Variants in AGAP2 observed in about 807,000 individuals in gnomAD.
AGAP2 encodes the protein ArfGAP with GTPase domain, ankyrin repeat and PH domain 2, also known as arf-GAP with GTPase, ANK repeat and PH domain-containing protein 2.
AGAP2 carries 32 observed loss-of-function variants against 110.9 expected under a neutral mutation model. That is an observed-to-expected ratio of 0.29 (90% CI 0.22 to 0.39). AGAP2 has a LOEUF of 0.39. Among genes scored for constraint, AGAP2 ranks in the 10% least tolerant of loss-of-function variants. The pLI is 1.00. For missense variants in AGAP2, 1,285 were observed against 1,638.5 expected, an observed-to-expected ratio of 0.78 and a Z score of 3.72; for synonymous variants, 702 against 713.0, an observed-to-expected ratio of 0.98 and a Z score of 0.25.
chr12:57,733,549 C>T (rs238524), intron 5 of AGAP2, among the ~76,000 whole-genome samples: 150,952 of 152,314 alleles, frequency 0.99, 74,820 homozygotes, highest in East Asian at 1. Context: ...AGTCACTTCT[C>T]TGAGAACTAA....
Position 57,726,954 on chromosome 12 carries a change from C to T in AGAP2, c.3336+20G>A. ...AGATGAAGCCTCAAAGACCCCCTTT[C>T]CTCCCCCCAGCTCACGTACCCACAG... On this transcript the variant is annotated intron_variant, in intron 18 of 18. Coordinates refer to ENST00000547588, the MANE Select transcript of AGAP2 (RefSeq NM_001122772.3). The surrounding 1 kb of genome is among the most constrained non-coding windows in gnomAD (Gnocchi z 5.7). 2.6e-6 allele frequency: 4 copies of T among 1,522,208 alleles called. No homozygotes were observed. Among genetic ancestry groups the T allele is most frequent in the Non-Finnish European group, 3.5e-6 (4 of 1,138,764 alleles). The allele number at this position is 1,522,208 out of a possible 1,614,324, so 94.3% of individuals were successfully genotyped here.
chr12:57,741,244 G>C (rs962785409), upstream of AGAP2, among the ~76,000 whole-genome samples: 1 of 152,198 alleles, frequency 6.6e-6, no homozygotes, highest in African/African-American at 2.4e-5. Flanking sequence ...TTTCCTCCCT[G>C]TGTTGTCATC....
At chr12:57,727,849 AC>A in intron 15 of AGAP2, 78 bp from the exon 16 acceptor site, 1 of 1,595,398 alleles carries the variant, frequency 6.3e-7, no homozygotes, top group Non-Finnish European at 8.5e-7. Flanking sequence ...CTCTCCTCTC[AC>A]ACGACTTCGG....
intron 14 of AGAP2, 22 bp from the exon 15 acceptor site, chr12:57,728,107 G>T (rs1330638089): frequency 1.3e-6 from 2 of 1,574,538 alleles, no homozygotes; most frequent in Non-Finnish European, 1.7e-6. Flanking sequence ...ATGGGATGGG[G>T]TCATTAAGGG....
rs1954766903 is a variant in AGAP2, at chr12:57,726,593, C to T, written c.3538G>A (p.Ala1180Thr). 3.3e-6 allele frequency: 4 copies of T among 1,203,842 alleles called. No homozygotes were observed. The highest frequency in any genetic ancestry group is 4.1e-6 in the Non-Finnish European group (4 of 969,658). 74.6% of individuals were successfully genotyped at this position (1,203,842 alleles called of 1,614,324 possible). A position where few individuals can be genotyped will look rare whatever the true frequency, so the allele number is the denominator to read the frequency against. ...TPSPRRRSSA[A>T]SVGRADAPVA... ...GGGGCGTCGGCGCGGCCCACGCTAG[C>T]GGCGCTGCTCCGGCGGCGGGGGCTG... The change falls in exon 19 of 19, where the codon GCT (alanine) becomes ACT (threonine). Residue 1180 changes from alanine to threonine, a missense_variant. Physicochemically the swap from Ala to Thr is moderately conservative, Grantham distance 58. Transcript: ENST00000547588. This position sits in a 1 kb window ranked among gnomAD's most constrained non-coding sequence, Gnocchi z 5.7.
intron 5 of AGAP2, 29 bp from the exon 6 acceptor site, chr12:57,733,008 A>G: frequency 6.2e-7 from 1 of 1,613,226 alleles, no homozygotes; most frequent in Middle Eastern, 1.7e-4. Flanking sequence ...GGCAGGATTG[A>G]ACAAGGAGCC....
At chr12:57,728,992 A>G (rs1334294470) in intron 13 of AGAP2, among the ~76,000 whole-genome samples, 4 of 151,948 alleles carry the variant, frequency 2.6e-5, no homozygotes, top group Admixed American at 6.5e-5. Flanking sequence ...TGGCTAACAC[A>G]GTGAAACCCA....
In AGAP2 at chr12:57,737,946, C is replaced by T; in HGVS notation, c.301G>A (p.Ala101Thr). 1 of 1,395,338 alleles carries T rather than the reference C, an allele frequency of 7.2e-7. No homozygotes were observed. The highest frequency in any genetic ancestry group is 9.2e-7 in the Non-Finnish European group (1 of 1,085,414). The allele number at this position is 1,395,338 out of a possible 1,614,324, so 86.4% of individuals were successfully genotyped here. The change falls in exon 1 of 19, where the codon GCC (alanine) becomes ACC (threonine). Residue 101 changes from alanine to threonine, a missense_variant. Transcript: ENST00000547588. This position sits in a 1 kb window ranked among gnomAD's most constrained non-coding sequence, Gnocchi z 5.9. ...PALSPAPASP[A>T]RPVSPAPGRR... ...CCGGGAGCGGGGGAGACTGGGCGGGCCGGACTGGCCGGAGCCGGGGACAGG... is the reference window on the plus strand; with the variant it reads ...CCGGGAGCGGGGGAGACTGGGCGGGTCGGACTGGCCGGAGCCGGGGACAGG...
chr12:57,728,424 C>T (rs770298165), intron 13 of AGAP2, 47 bp from the exon 14 acceptor site: 6 of 1,592,866 alleles, frequency 3.8e-6, no homozygotes, highest in Non-Finnish European at 5.2e-6. Flanking sequence ...GAGAGCAGAA[C>T]AGAGAAAGAG....
Position 57,726,861 on chromosome 12 carries a change from C to T in AGAP2, c.3337-67G>A. 6.9e-7 allele frequency: 1 copy of T among 1,442,830 alleles called. No homozygotes were observed. The highest frequency in any genetic ancestry group is 9.1e-7 in the Non-Finnish European group (1 of 1,103,418). 89.4% of individuals were successfully genotyped at this position (1,442,830 alleles called of 1,614,324 possible). A position where few individuals can be genotyped will look rare whatever the true frequency, so the allele number is the denominator to read the frequency against. ...CGCCCACACCCGGCGCCGCCTCCCC[C>T]ACATGGCCAAGCCTACTTCCGGGGT... On this transcript the variant is annotated intron_variant, in intron 18 of 18. Transcript: ENST00000547588. This position sits in a 1 kb window ranked among gnomAD's most constrained non-coding sequence, Gnocchi z 5.7.
intron 11 of AGAP2, 75 bp from the exon 12 acceptor site, chr12:57,730,689 C>T (rs1018689204): frequency 7.5e-6 from 12 of 1,605,498 alleles, no homozygotes; most frequent in Non-Finnish European, 1.0e-5. Flanking sequence ...TCTTTATCAC[C>T]CAGCTTCCTA....
At position 57,726,709 on chromosome 12, in the gene AGAP2, T is replaced by C; in HGVS notation, c.3422A>G (p.Asp1141Gly). 2 of 1,254,236 alleles carry C rather than the reference T, an allele frequency of 1.6e-6. No homozygotes were observed. The highest frequency in any genetic ancestry group is 2.0e-6 in the Non-Finnish European group (2 of 999,394). The allele number at this position is 1,254,236 out of a possible 1,614,324, so 77.7% of individuals were successfully genotyped here. A position where few individuals can be genotyped will look rare whatever the true frequency, so the allele number is the denominator to read the frequency against. The change falls in exon 19 of 19, where the codon GAC becomes GGC. Residue 1141 changes from aspartate to glycine, a missense_variant. This residue lies in a region of AGAP2 where 201 missense variants were observed against 276.1 expected (regional missense o/e 0.73). Transcript: ENST00000547588. The surrounding 1 kb of genome is among the most constrained non-coding windows in gnomAD (Gnocchi z 5.7). The stretch of plus-strand genomic sequence containing the variant: ...CGGGCAGCCGTGCTGGAGAAGGATG[T>C]CGGCGCACAGCTGGCTTCCAGCCTG... ...ARQAGSQLCA[D>G]ILLQHGCPGE...
At chr12:57,729,135 C>T (rs1954834223) in intron 13 of AGAP2, among the ~76,000 whole-genome samples, 1 of 143,328 alleles carries the variant, frequency 7.0e-6, no homozygotes, top group Non-Finnish European at 1.5e-5. Context: ...GAGATCGCAC[C>T]ACTGTACTCC....
chr12:57,741,259 G>C (rs926485606), upstream of AGAP2, among the ~76,000 whole-genome samples: 1 of 152,178 alleles, frequency 6.6e-6, no homozygotes, highest in Non-Finnish European at 1.5e-5. Flanking sequence ...GTCATCACTT[G>C]CTCTAATGGC....
At position 57,727,502 on chromosome 12, in the gene AGAP2, G is replaced by T. The variant is rs745525003; in HGVS notation, c.2938C>A (p.Leu980Met). ...SGIHRNLGTHLSRVRSLDLDD... is the reference protein window; with the variant it reads ...SGIHRNLGTHMSRVRSLDLDD... ...AAGTCCAGCGAGCGAACGCGGGACAGGTGTGTGCCCAGGTTGCGGTGGATG... is the reference window on the plus strand; with the variant it reads ...AAGTCCAGCGAGCGAACGCGGGACATGTGTGTGCCCAGGTTGCGGTGGATG... Residue 980 changes from leucine to methionine, a missense_variant, in exon 17 of 19, where the codon CTG becomes ATG. Physicochemically the swap from Leu to Met is conservative, Grantham distance 15 (BLOSUM62 2). Around this residue, in one of 7 missense-constraint regions of AGAP2, gnomAD observed 17 missense variants for 56.4 expected, o/e 0.30. Transcript: ENST00000547588. 1.9e-6 allele frequency: 3 copies of T among 1,612,882 alleles called. No homozygotes were observed. Among genetic ancestry groups the T allele is most frequent in the Non-Finnish European group, 1.7e-6 (2 of 1,179,704 alleles).
intron 2 of AGAP2, 68 bp downstream of exon 2, chr12:57,735,301 G>A: frequency 7.2e-7 from 1 of 1,397,522 alleles, no homozygotes; most frequent in South Asian, 1.2e-5. Context: ...GAGGTGAAGG[G>A]AGAGAGCTGA....
In AGAP2 at chr12:57,731,962, A is replaced by C. The variant is rs1954895364; in HGVS notation, c.1800T>G (p.Ser600Arg). ...AGTAGTCGCTAGTGTGGCCCCCGTT[A>C]CTAGCCTGGGCACATATGGAAGAGT... ...AASTPVAGQA[S>R]NGGHTSDYSS... Residue 600 changes from serine (S) to arginine (R), a missense_variant, in exon 8 of 19, where the codon AGT (serine) becomes AGG (arginine). Around this residue, in one of 7 missense-constraint regions of AGAP2, gnomAD observed 844 missense variants for 941.2 expected, o/e 0.90. Coordinates refer to ENST00000547588, the MANE Select transcript of AGAP2 (RefSeq NM_001122772.3). The C allele has an allele frequency of 6.2e-7, 1 of 1,613,476 alleles. No individual in the cohort carries two copies. The highest frequency in any genetic ancestry group is 8.5e-7 in the Non-Finnish European group (1 of 1,179,954).
chr12:57,725,619 C>A lies in AGAP2; in HGVS notation c.*933G>T, dbSNP rs1954747716. On this transcript the variant is annotated 3_prime_UTR_variant, in exon 19 of 19. Coordinates refer to ENST00000547588, the MANE Select transcript of AGAP2 (RefSeq NM_001122772.3). ...GGTCCCACTGTAGGGGTGCCCCCTACCCCAGATCACCACGGGCGCTGCACA... is the reference window on the plus strand; with the variant it reads ...GGTCCCACTGTAGGGGTGCCCCCTAACCCAGATCACCACGGGCGCTGCACA... The A allele has an allele frequency of 6.6e-6, 1 of 152,160 alleles. No individual in the cohort carries two copies. The allele number at this position is 152,160 out of a possible 1,614,324, so 9.4% of individuals were successfully genotyped here. A position where few individuals can be genotyped will look rare whatever the true frequency, so the allele number is the denominator to read the frequency against.
chr12:57,731,077 T>C, intron 10 of AGAP2, 124 bp from the exon 11 acceptor site: 1 of 1,063,368 alleles, frequency 9.4e-7, no homozygotes, highest in Non-Finnish European at 1.3e-6. Flanking sequence ...TGGGTTGTGA[T>C]GAACATCTAG....
Sources: gnomAD v4.1 joint callset for allele counts (sites outside exome capture counted in the v4.1 genomes callset) on GRCh38, gnomAD v4.1.1 for gene constraint, gnomAD v4.1.1 regional missense constraint, Gnocchi (gnomAD v3.1) non-coding constraint, MANE v1.5 for transcripts, NCBI Gene and HGNC (gene_info 2026-07-23, HGNC 2026-07-21) for gene names.